The following SGK3 variants were observed in gnomAD, a reference collection of about 807,000 sequenced individuals.
SGK3 encodes serum/glucocorticoid regulated kinase family member 3.
Under a neutral mutation model 68.5 loss-of-function variants are expected in SGK3, and 47 were observed. The ratio of observed to expected loss-of-function variants is 0.69; its 90% CI spans 0.54 to 0.87. SGK3 has a LOEUF of 0.87. Among genes scored for constraint, SGK3 ranks in the 40% least tolerant of loss-of-function variants. The probability of loss-of-function intolerance (pLI) is 0.00; values close to 1 mark genes in which losing one functional copy is unlikely to be tolerated. For synonymous variants in SGK3, 181 were observed against 189.1 expected (o/e 0.96, Z 0.35); for missense variants, 479 against 575.5 (o/e 0.83, Z 1.72).
chr8:66,766,132 T>C (rs1806309902), intron 1 of SGK3, among the ~76,000 whole-genome samples: 1 of 152,208 alleles, frequency 6.6e-6, no homozygotes, highest in Non-Finnish European at 1.5e-5. Context: ...TTGTTTTAAA[T>C]TTATTGATTT....
chr8:66,787,918 C>A (rs1301925984), intron 1 of SGK3, among the ~76,000 whole-genome samples: 1 of 152,242 alleles, frequency 6.6e-6, no homozygotes, highest in Non-Finnish European at 1.5e-5. Flanking sequence ...GGCACTCCTC[C>A]TTACAGGTAA....
At chr8:66,845,037 G>A (rs747225193) in intron 14 of SGK3, among the ~76,000 whole-genome samples, 9 of 152,184 alleles carry the variant, frequency 5.9e-5, no homozygotes, top group Non-Finnish European at 1.2e-4. Flanking sequence ...CACATAAAAT[G>A]CAGTTGATTC....
At chr8:66,809,043 A>G (rs1808277085) in intron 4 of SGK3, among the ~76,000 whole-genome samples, 2 of 150,870 alleles carry the variant, frequency 1.3e-5, no homozygotes, top group Middle Eastern at 6.8e-3. Flanking sequence ...CTAATTTTGT[A>G]TTTTTAGTAG....
In SGK3 at chr8:66,859,578, G is replaced by A. The variant is rs753739226; in HGVS notation, c.1488G>A (p.Leu496=). The part of the protein sequence containing the change: ...SYAPPSEDLF[L] ...CACCTCCTTCAGAAGACTTATTTTT[G>A]TGAGCAGTTTGCCATTCAGAAACCA... The change falls in exon 17 of 17, where the codon TTG becomes TTA. Residue 496 remains leucine (L), a synonymous_variant. Coordinates refer to ENST00000521198, the MANE Select transcript of SGK3 (RefSeq NM_001033578.3). The A allele has an allele frequency of 1.9e-6, 3 of 1,607,136 alleles. No homozygotes were observed. The highest frequency in any genetic ancestry group is 2.6e-6 in the Non-Finnish European group (3 of 1,175,544).
intron 5 of SGK3, among the ~76,000 whole-genome samples, chr8:66,816,587 G>A (rs923559137): frequency 2.0e-5 from 3 of 152,008 alleles, no homozygotes; most frequent in African/African-American, 7.2e-5. Flanking sequence ...TTCGTAATCT[G>A]CCTGCCTCGG....
chr8:66,802,177 G>A (rs1807971153), intron 3 of SGK3, among the ~76,000 whole-genome samples: 1 of 151,558 alleles, frequency 6.6e-6, no homozygotes, highest in Non-Finnish European at 1.5e-5. Flanking sequence ...CTGTGGTGAG[G>A]GGCAAAGAAA....
chr8:66,854,504 G>A (rs977592448), intron 16 of SGK3, among the ~76,000 whole-genome samples: 1 of 152,208 alleles, frequency 6.6e-6, no homozygotes, highest in Non-Finnish European at 1.5e-5. Flanking sequence ...CCACATCTGA[G>A]AGGTGGGTCT....
At chr8:66,727,724 A>G (rs140263890) in intron 1 of SGK3, among the ~76,000 whole-genome samples, 114 of 152,316 alleles carry the variant, frequency 7.5e-4, no homozygotes, top group African/African-American at 2.6e-3. Flanking sequence ...GAGGCCCTCA[A>G]CAGGTGCTGA....
At chr8:66,751,644 A>G (rs913853767) in intron 1 of SGK3, among the ~76,000 whole-genome samples, 2 of 152,188 alleles carry the variant, frequency 1.3e-5, no homozygotes, top group Non-Finnish European at 2.9e-5. Flanking sequence ...GAATCTATCT[A>G]CACTTAATAA....
intron 6 of SGK3, among the ~76,000 whole-genome samples, chr8:66,826,286 A>G (rs1206558132): frequency 6.6e-6 from 1 of 152,110 alleles, no homozygotes; most frequent in Non-Finnish European, 1.5e-5. Context: ...TCATCTTTAT[A>G]AGAAAAATTT....
chr8:66,781,094 G>A (rs377418825), intron 1 of SGK3, among the ~76,000 whole-genome samples: 16 of 152,288 alleles, frequency 1.1e-4, no homozygotes, highest in South Asian at 1.0e-3. Context: ...ATTGGCCTTG[G>A]GCGTGTTGTA....
chr8:66,718,342 A>C (rs1281816424), intron 1 of SGK3, among the ~76,000 whole-genome samples: 1 of 151,770 alleles, frequency 6.6e-6, no homozygotes, highest in Non-Finnish European at 1.5e-5. Flanking sequence ...CTATTTTCTA[A>C]CCAAAAATAG....
chr8:66,830,131 C>T (rs1390884952), intron 7 of SGK3, among the ~76,000 whole-genome samples: 8 of 152,154 alleles, frequency 5.3e-5, no homozygotes, highest in Non-Finnish European at 1.0e-4. Flanking sequence ...GCTGGGATTA[C>T]AGGCATGAGC....
intron 9 of SGK3, 36 bp from the exon 10 acceptor site, chr8:66,835,907 G>C (rs1412398315): frequency 6.2e-7 from 1 of 1,610,660 alleles, no homozygotes; most frequent in Admixed American, 1.7e-5. Flanking sequence ...CTGTTTTCTA[G>C]TGTATAATAC....
intron 14 of SGK3, among the ~76,000 whole-genome samples, chr8:66,843,810 G>A (rs756987704): frequency 2.4e-4 from 37 of 151,916 alleles, no homozygotes; most frequent in Non-Finnish European, 3.1e-4. Flanking sequence ...CCTATGCAAC[G>A]TGGCGAAATC....
chr8:66,776,636 A>G (rs1806724384), intron 1 of SGK3, among the ~76,000 whole-genome samples: 1 of 152,190 alleles, frequency 6.6e-6, no homozygotes, highest in Non-Finnish European at 1.5e-5. Flanking sequence ...AAAGTATAAA[A>G]TCAAATGATG....
chr8:66,739,218 A>G (rs911292764), intron 1 of SGK3, among the ~76,000 whole-genome samples: 2 of 152,134 alleles, frequency 1.3e-5, no homozygotes, highest in Non-Finnish European at 1.5e-5. Flanking sequence ...TTCTTGCTGC[A>G]TTATAACATG....
chr8:66,827,912 A>G (rs1227338499), intron 6 of SGK3, among the ~76,000 whole-genome samples: 1 of 152,160 alleles, frequency 6.6e-6, no homozygotes, highest in Non-Finnish European at 1.5e-5. Flanking sequence ...TCACGAAGTC[A>G]GGAGATCGAG....
intron 4 of SGK3, among the ~76,000 whole-genome samples, chr8:66,806,306 C>T (rs970117378): frequency 4.6e-5 from 7 of 151,752 alleles, no homozygotes; most frequent in Non-Finnish European, 5.9e-5. Flanking sequence ...TTTTTATTGG[C>T]GAACAGTGGC....
Sources: allele counts gnomAD v4.1 joint callset (sites outside exome capture counted in the v4.1 genomes callset), GRCh38; gene constraint gnomAD v4.1.1; transcripts MANE v1.5; gene names NCBI Gene and HGNC (gene_info 2026-07-23, HGNC 2026-07-21).